The following MTO1 variants were observed in gnomAD, a reference collection of about 807,000 sequenced individuals.
The protein encoded by MTO1 is mitochondrial tRNA translation optimization 1.
Under a neutral mutation model 71.6 loss-of-function variants are expected in MTO1, and 46 were observed. The observed-to-expected ratio is 0.64, with a 90% CI of 0.51 to 0.82. MTO1 has a LOEUF of 0.82. Among genes scored for constraint, MTO1 ranks in the 40% least tolerant of loss-of-function variants. MTO1 has a pLI of 0.00. For missense variants in MTO1, 773 were observed against 867.5 expected (o/e 0.89, Z 1.37); for synonymous variants, 297 against 312.1 (o/e 0.95, Z 0.51).
chr6:73,489,104 G>A (rs984068540), intron 9 of MTO1, among the ~76,000 whole-genome samples: 1 of 152,106 alleles, frequency 6.6e-6, no homozygotes, highest in African/African-American at 2.4e-5. Flanking sequence ...AATACATATT[G>A]TGTTGATTTT....
rs1289313735 is a variant in MTO1, at chr6:73,505,847, A to G, written c.*5112A>G. ...ATTACAGGGGTGAGCCACCATGCCCAGTCCAGAATTTCAAGTTTTGCAAGA... is the reference window on the plus strand; with the variant it reads ...ATTACAGGGGTGAGCCACCATGCCCGGTCCAGAATTTCAAGTTTTGCAAGA... On this transcript the variant is annotated 3_prime_UTR_variant, in exon 12 of 12. Transcript: ENST00000498286. 3 of 152,196 alleles carry G rather than the reference A, an allele frequency of 2.0e-5. No individual in the cohort carries two copies. Among genetic ancestry groups the G allele is most frequent in the Non-Finnish European group, 2.9e-5 (2 of 68,046 alleles). The allele number at this position is 152,196 out of a possible 1,614,324, so 9.4% of individuals were successfully genotyped here.
At position 73,507,775 on chromosome 6, in the gene MTO1, A is replaced by C. The variant is rs1347372915; in HGVS notation, c.*7040A>C. 1 of 152,256 alleles carries C rather than the reference A, an allele frequency of 6.6e-6. No homozygotes were observed. 9.4% of individuals were successfully genotyped at this position (152,256 alleles called of 1,614,324 possible). On this transcript the variant is annotated 3_prime_UTR_variant, in exon 12 of 12. Coordinates refer to ENST00000498286, the MANE Select transcript of MTO1 (RefSeq NM_012123.4). ...GGCGGATCACGAGGTCAGGAAATAG[A>C]GACCATCCTGGCTAACATGGTGAAA...
intron 11 of MTO1, among the ~76,000 whole-genome samples, chr6:73,498,522 A>T (rs1047767343): frequency 2.0e-5 from 3 of 151,536 alleles, no homozygotes; most frequent in Non-Finnish European, 2.9e-5. Flanking sequence ...TAATGGGAGA[A>T]AGAGGGGAGC....
intron 3 of MTO1, among the ~76,000 whole-genome samples, chr6:73,469,957 A>G (rs796614119): frequency 1.1e-4 from 16 of 152,094 alleles, no homozygotes; most frequent in African/African-American, 3.6e-4. Flanking sequence ...GTAAGCCGTG[A>G]TAGTGCCACT....
Position 73,466,596 on chromosome 6 carries a change from G to A in MTO1, c.525G>A (p.Gly175=). 6.2e-7 allele frequency: 1 copy of A among 1,613,308 alleles called. No homozygotes were observed. Among genetic ancestry groups the A allele is most frequent in the Non-Finnish European group, 8.5e-7 (1 of 1,179,342 alleles). ...PEHTGKCRVS[G]VVLVDGSTVY... The stretch of plus-strand genomic sequence containing the variant: ...ACACTGGGAAATGCCGTGTCAGTGG[G>A]GTTGTTTTGGGTACGTATTGGTTAT... Residue 175 remains glycine, a synonymous_variant, in exon 3 of 12, where the codon GGG becomes GGA. Transcript: ENST00000498286.
At chr6:73,467,377 G>C (rs921864838) in intron 3 of MTO1, among the ~76,000 whole-genome samples, 4 of 151,976 alleles carry the variant, frequency 2.6e-5, no homozygotes, top group Non-Finnish European at 5.9e-5. Flanking sequence ...CACTTTGGGA[G>C]GCCAAGGCAG....
Position 73,507,880 on chromosome 6 carries a change from G to A in MTO1, c.*7145G>A, listed in dbSNP as rs951753514. 1 of 151,768 alleles carries A rather than the reference G, an allele frequency of 6.6e-6. No homozygotes were observed. Among genetic ancestry groups the A allele is most frequent in the South Asian group, 2.1e-4 (1 of 4,822 alleles). 9.4% of individuals were successfully genotyped at this position (151,768 alleles called of 1,614,324 possible). A position where few individuals can be genotyped will look rare whatever the true frequency, so the allele number is the denominator to read the frequency against. On this transcript the variant is annotated 3_prime_UTR_variant, in exon 12 of 12. Transcript: ENST00000498286. ...TAGTCCCAGCTACTCGGGAGGCTGAGGCAGGAGAATGGCGTGAAGCCAGGA... is the reference window on the plus strand; with the variant it reads ...TAGTCCCAGCTACTCGGGAGGCTGAAGCAGGAGAATGGCGTGAAGCCAGGA...
At chr6:73,484,551 CATT>C (rs75873574) in intron 9 of MTO1, among the ~76,000 whole-genome samples, 11,635 of 152,134 alleles carry the variant, frequency 0.076, 567 homozygotes, top group South Asian at 0.11. Flanking sequence ...TCATATTGAG[CATT>C]AGATTCCAAC....
intron 3 of MTO1, among the ~76,000 whole-genome samples, chr6:73,466,931 T>A (rs1458112217): frequency 2.6e-5 from 4 of 151,894 alleles, no homozygotes; most frequent in Non-Finnish European, 1.5e-5. Context: ...TTTAAAAAAT[T>A]CATATTTTAA....
chr6:73,481,918 T>C (rs1285332947), intron 7 of MTO1, 122 bp from the exon 8 acceptor site: 54 of 959,964 alleles, frequency 5.6e-5, no homozygotes, highest in Non-Finnish European at 7.4e-5. Context: ...CTCTATTATA[T>C]CCCTTAGGGG....
intron 1 of MTO1, among the ~76,000 whole-genome samples, chr6:73,465,853 G>C (rs943038898): frequency 5.3e-5 from 8 of 152,002 alleles, no homozygotes; most frequent in Non-Finnish European, 1.2e-4. Flanking sequence ...GCGTGGTGCC[G>C]GACACCTGTA....
intron 9 of MTO1, 78 bp downstream of exon 9, chr6:73,482,698 C>T: frequency 5.7e-6 from 7 of 1,235,916 alleles, no homozygotes; most frequent in East Asian, 2.4e-5. Flanking sequence ...GAGACATTAC[C>T]TATGTGTTCC....
chr6:73,491,378 G>A (rs1247718600), intron 9 of MTO1, among the ~76,000 whole-genome samples: 1 of 131,630 alleles, frequency 7.6e-6, no homozygotes, highest in Non-Finnish European at 1.6e-5. Context: ...TGGGCAACAT[G>A]ACAAAACCCT....
chr6:73,481,442 G>C (rs1043463335), intron 7 of MTO1, among the ~76,000 whole-genome samples: 1 of 136,662 alleles, frequency 7.3e-6, no homozygotes, highest in Non-Finnish European at 1.5e-5. Context: ...GTGGGAAAAG[G>C]CTAGAGAAGT....
At chr6:73,491,575 T>C (rs1275143646) in intron 9 of MTO1, among the ~76,000 whole-genome samples, 2 of 152,158 alleles carry the variant, frequency 1.3e-5, no homozygotes, top group African/African-American at 4.8e-5. Flanking sequence ...AAAGGATGAC[T>C]AATTCACAGG....
At chr6:73,490,821 A>C (rs977356618) in intron 9 of MTO1, among the ~76,000 whole-genome samples, 1 of 151,810 alleles carries the variant, frequency 6.6e-6, no homozygotes, top group African/African-American at 2.4e-5. Context: ...GCAACAAGTG[A>C]CCTAGCTAGG....
chr6:73,470,566 TATTA>T (rs1771130305), intron 3 of MTO1, among the ~76,000 whole-genome samples: 1 of 152,164 alleles, frequency 6.6e-6, no homozygotes, highest in South Asian at 2.1e-4. Flanking sequence ...ATTATAGATT[TATTA>T]ATTTTCTTGA....
chr6:73,473,089 G>A (rs1432564949), intron 3 of MTO1, among the ~76,000 whole-genome samples: 1 of 152,162 alleles, frequency 6.6e-6, no homozygotes, highest in Non-Finnish European at 1.5e-5. Context: ...AGACCAGCCT[G>A]ACCAACATGG....
chr6:73,492,966 ATATG>A (rs1771860116), intron 10 of MTO1, among the ~76,000 whole-genome samples: 1 of 42,866 alleles, frequency 2.3e-5, no homozygotes, highest in African/African-American at 8.8e-5. Flanking sequence ...TATATATAAT[ATATG>A]TGTGTGTGTG....
Sources: gnomAD v4.1 joint callset for allele counts (sites outside exome capture counted in the v4.1 genomes callset) on GRCh38, gnomAD v4.1.1 for gene constraint, MANE v1.5 for transcripts, NCBI Gene and HGNC (gene_info 2026-07-23, HGNC 2026-07-21) for gene names.